FOXN3: variants seen among roughly 807,000 people sequenced by gnomAD.
FOXN3 encodes forkhead box protein N3.
In FOXN3, 7 loss-of-function variants were observed where a neutral mutation model predicts 38.4. That is an observed-to-expected ratio of 0.18 (90% CI 0.10 to 0.34). The LOEUF (loss-of-function observed/expected upper bound fraction) is 0.34. FOXN3 is among the 10% of genes least tolerant of loss of function. The probability of loss-of-function intolerance (pLI) is 1.00; values close to 1 mark genes in which losing one functional copy is unlikely to be tolerated. For synonymous variants in FOXN3, 230 were observed against 242.2 expected (o/e 0.95, Z 0.47); for missense variants, 456 against 613.4 (o/e 0.74, Z 2.71).
rs182901669 is a variant in FOXN3, at chr14:89,587,680, C to T, written c.-15+31348G>A. ...GTCAGCAGTTTGAGACCAGCCTGGA[C>T]GATATGGGGAAACCTCGTCTCTACT... On this transcript the variant is annotated intron_variant, in intron 1 of 6. Transcript: ENST00000345097. 1.3e-3 allele frequency among the ~76,000 whole-genome samples: 202 copies of T among 151,966 alleles called. 4 individuals carry two copies. The highest frequency in any genetic ancestry group is 1.8e-4 in the Non-Finnish European group (12 of 67,984).
At chr14:89,475,222 C>T (rs1002140663) in intron 1 of FOXN3, among the ~76,000 whole-genome samples, 12 of 152,222 alleles carry the variant, frequency 7.9e-5, no homozygotes, top group African/African-American at 2.9e-4. Flanking sequence ...TTTACTTATA[C>T]ATATGCATTC....
At chr14:89,337,636 CT>C (rs5810454) in intron 3 of FOXN3, among the ~76,000 whole-genome samples, 109 of 144,874 alleles carry the variant, frequency 7.5e-4, no homozygotes, top group African/African-American at 2.5e-3. Context: ...CTTTTCTTTT[CT>C]TTTTTTTTTT....
chr14:89,265,394 C>G (rs1885941644), intron 4 of FOXN3, among the ~76,000 whole-genome samples: 1 of 152,170 alleles, frequency 6.6e-6, no homozygotes, highest in South Asian at 2.1e-4. Flanking sequence ...GGGCTACAAA[C>G]AGCAGCTTTG....
intron 4 of FOXN3, among the ~76,000 whole-genome samples, chr14:89,198,968 A>AT (rs1220579535): frequency 6.6e-6 from 1 of 152,214 alleles, no homozygotes; most frequent in Non-Finnish European, 1.5e-5. Context: ...GACAGATAGG[A>AT]TATCTACATT....
chr14:89,416,902 C>T lies in FOXN3; in HGVS notation c.-46G>A, dbSNP rs145915181. On this transcript the variant is annotated 5_prime_UTR_variant, in exon 1 of 6. Coordinates refer to ENST00000557258, the MANE Select transcript of FOXN3 (RefSeq NM_005197.4). ...GGAGCGGGGCACGGGGGTGCGGGGG[C>T]GCCGCTGCCCTTCAGCAGGAGCCGA... is the stretch of plus-strand genomic sequence containing the variant. The T allele has an allele frequency of 0.062, 9,401 of 151,564 alleles. 395 individuals carry two copies. Among genetic ancestry groups the T allele is most frequent in the Middle Eastern group, 0.11 (33 of 292 alleles). 9.4% of individuals were successfully genotyped at this position (151,564 alleles called of 1,614,324 possible).
intron 1 of FOXN3, among the ~76,000 whole-genome samples, chr14:89,529,273 T>C (rs747332991): frequency 1.3e-5 from 2 of 152,162 alleles, no homozygotes; most frequent in Non-Finnish European, 2.9e-5. Context: ...ATGCATAATA[T>C]TTTACCCCAA....
chr14:89,530,898 C>T (rs998100158), intron 1 of FOXN3, among the ~76,000 whole-genome samples: 3 of 149,122 alleles, frequency 2.0e-5, no homozygotes, highest in African/African-American at 2.5e-5. Flanking sequence ...TGTGAGCCAC[C>T]ACGCCCGGCC....
At chr14:89,519,826 G>C (rs1894282894) in intron 1 of FOXN3, among the ~76,000 whole-genome samples, 1 of 152,094 alleles carries the variant, frequency 6.6e-6, no homozygotes, top group Non-Finnish European at 1.5e-5. Context: ...GGTGATAGCA[G>C]CATAGTTTCT....
At chr14:89,242,313 C>CATATAT (rs35761572) in intron 4 of FOXN3, among the ~76,000 whole-genome samples, 5,658 of 150,058 alleles carry the variant, frequency 0.038, 135 homozygotes, top group African/African-American at 0.065. Context: ...TCCCTGCCCT[C>CATATAT]ATATATATAT....
chr14:89,380,689 C>G (rs1301105774), intron 2 of FOXN3, among the ~76,000 whole-genome samples: 1 of 152,242 alleles, frequency 6.6e-6, no homozygotes, highest in Non-Finnish European at 1.5e-5. Flanking sequence ...CAACCCCGTC[C>G]TATAAAGAGC....
At chr14:89,567,982 A>C (rs1204307031) in intron 1 of FOXN3, among the ~76,000 whole-genome samples, 2 of 152,012 alleles carry the variant, frequency 1.3e-5, no homozygotes, top group Non-Finnish European at 2.9e-5. Context: ...TCGGCCTCCC[A>C]AAGTGCTAGG....
At chr14:89,428,119 G>C (rs889779737) in intron 1 of FOXN3, among the ~76,000 whole-genome samples, 1 of 152,068 alleles carries the variant, frequency 6.6e-6, no homozygotes, top group African/African-American at 2.4e-5. Flanking sequence ...TTCTCTCTAC[G>C]AGAGTCTTTT....
At chr14:89,397,808 T>C (rs938033401) in intron 2 of FOXN3, among the ~76,000 whole-genome samples, 1 of 152,196 alleles carries the variant, frequency 6.6e-6, no homozygotes, top group Non-Finnish European at 1.5e-5. Context: ...AAAGAGCATA[T>C]AATACCTGCT....
At chr14:89,205,875 T>C (rs139759619) in intron 4 of FOXN3, among the ~76,000 whole-genome samples, 10 of 152,270 alleles carry the variant, frequency 6.6e-5, no homozygotes, top group Non-Finnish European at 1.3e-4. Flanking sequence ...GTTTGAGCAA[T>C]GGGGCACTGA....
intron 1 of FOXN3, among the ~76,000 whole-genome samples, chr14:89,600,860 AG>A (rs767986983): frequency 6.6e-6 from 1 of 152,248 alleles, no homozygotes; most frequent in Non-Finnish European, 1.5e-5. Flanking sequence ...TTGAAAAGAA[AG>A]TGAGTACAAT....
At chr14:89,414,476 T>C (rs1470613878) in intron 1 of FOXN3, among the ~76,000 whole-genome samples, 1 of 151,790 alleles carries the variant, frequency 6.6e-6, no homozygotes, top group Non-Finnish European at 1.5e-5. Flanking sequence ...TGAATTATAG[T>C]ACCTTCCCTC....
At chr14:89,324,784 C>G (rs1317691171) in intron 3 of FOXN3, among the ~76,000 whole-genome samples, 2 of 152,082 alleles carry the variant, frequency 1.3e-5, no homozygotes, top group African/African-American at 4.8e-5. Flanking sequence ...AGCACAACTG[C>G]CTGGAAGTCT....
intron 4 of FOXN3, among the ~76,000 whole-genome samples, chr14:89,239,818 C>A (rs952620861): frequency 6.6e-6 from 1 of 152,200 alleles, no homozygotes; most frequent in African/African-American, 2.4e-5. Context: ...CTATTGCTCA[C>A]AACCACCTTG....
rs144509049 is a variant in FOXN3 at position 89,495,404 on chromosome 14, T to C, written c.-14-82914A>G. Among the ~76,000 whole-genome samples, 603 of 152,278 alleles carry C rather than the reference T, an allele frequency of 4.0e-3. 6 individuals carry two copies. The highest frequency in any genetic ancestry group is 0.014 in the African/African-American group (566 of 41,556). ...TTGAATCATGCTTGGCTATTTACTA[T>C]GATAATAATAATAAATTCATTCCTA... On this transcript the variant is annotated intron_variant, in intron 1 of 6. Coordinates refer to the FOXN3 transcript ENST00000345097.
Sources: allele counts gnomAD v4.1 joint callset (sites outside exome capture counted in the v4.1 genomes callset), GRCh38; gene constraint gnomAD v4.1.1; transcripts MANE v1.5; gene names NCBI Gene and HGNC (gene_info 2026-07-23, HGNC 2026-07-21).